Variants in COG5 observed in about 807,000 individuals in gnomAD.
COG5 encodes the protein component of oligomeric golgi complex 5, also known as conserved oligomeric Golgi complex subunit 5.
In COG5, 86 loss-of-function variants were observed where a neutral mutation model predicts 110.4. The observed-to-expected ratio is 0.78, with a 90% CI of 0.65 to 0.93. The LOEUF (loss-of-function observed/expected upper bound fraction) is 0.93. Ranked by LOEUF, COG5 falls within the 40% of genes least tolerant of loss-of-function variation. The pLI, the probability that COG5 is intolerant of heterozygous loss-of-function variation, is 0.00. For synonymous variants in COG5, 360 were observed against 334.6 expected (o/e 1.08, Z -0.83); for missense variants, 1,077 against 987.0 (o/e 1.09, Z -1.22).
intron 6 of COG5, among the ~76,000 whole-genome samples, chr7:107,466,163 T>C (rs1010806860): frequency 6.6e-6 from 1 of 152,104 alleles, no homozygotes; most frequent in Non-Finnish European, 1.5e-5. Flanking sequence ...AAATCCATAA[T>C]ATTTAGGAAG....
intron 17 of COG5, among the ~76,000 whole-genome samples, chr7:107,242,228 AC>A (rs1801699717): frequency 6.6e-6 from 1 of 152,208 alleles, no homozygotes; most frequent in Non-Finnish European, 1.5e-5. Flanking sequence ...AATCAAGGAA[AC>A]AACCTGACCG....
chr7:107,233,370 T>C (rs1800919381), intron 18 of COG5, among the ~76,000 whole-genome samples: 1 of 152,164 alleles, frequency 6.6e-6, no homozygotes, highest in South Asian at 2.1e-4. Context: ...TAATTACCTG[T>C]AGGAAACCAC....
intron 21 of COG5, chr7:107,209,352 TAA>T: frequency 2.9e-6 from 1 of 341,790 alleles, no homozygotes; most frequent in African/African-American, 2.2e-5. Flanking sequence ...ACAGGGAGTA[TAA>T]GAGAATGAGA....
In COG5 at chr7:107,202,041, T is replaced by C. The variant is rs1433790902; in HGVS notation, c.*1475A>G. ...CTGCAGTTACCATGGCATGCTGAGTTGATGCACCAGGTGGCAGCAGCCATC... is the reference window on the plus strand; with the variant it reads ...CTGCAGTTACCATGGCATGCTGAGTCGATGCACCAGGTGGCAGCAGCCATC... On this transcript the variant is annotated 3_prime_UTR_variant, in exon 22 of 22. Coordinates refer to ENST00000297135, the MANE Select transcript of COG5 (RefSeq NM_006348.5). 1 of 152,674 alleles carries C rather than the reference T, an allele frequency of 6.5e-6. No homozygotes were observed. The highest frequency in any genetic ancestry group is 2.4e-5 in the African/African-American group (1 of 41,442). 9.5% of individuals were successfully genotyped at this position (152,674 alleles called of 1,614,324 possible). A position where few individuals can be genotyped will look rare whatever the true frequency, so the allele number is the denominator to read the frequency against.
intron 6 of COG5, among the ~76,000 whole-genome samples, chr7:107,480,376 A>T (rs769884606): frequency 1.6e-4 from 24 of 152,158 alleles, no homozygotes; most frequent in Non-Finnish European, 3.1e-4. Flanking sequence ...TCAGATGAGC[A>T]CTTGTATGTA....
intron 8 of COG5, among the ~76,000 whole-genome samples, chr7:107,363,955 CAAAA>C (rs34287367): frequency 9.2e-6 from 1 of 109,028 alleles, no homozygotes. Context: ...AACTCCATCT[CAAAA>C]AAAAAAAAAA....
chr7:107,393,052 A>C (rs754925014), intron 7 of COG5, among the ~76,000 whole-genome samples: 7 of 152,214 alleles, frequency 4.6e-5, no homozygotes, highest in Non-Finnish European at 1.0e-4. Flanking sequence ...CTTGCCTCGC[A>C]TACCAGACTC....
chr7:107,479,042 C>A (rs529964658), intron 6 of COG5, among the ~76,000 whole-genome samples: 2 of 151,940 alleles, frequency 1.3e-5, no homozygotes, highest in African/African-American at 4.8e-5. Context: ...AGAGTCATTA[C>A]CCTCAAGAGC....
intron 19 of COG5, among the ~76,000 whole-genome samples, chr7:107,212,893 T>G (rs1444018925): frequency 6.6e-6 from 1 of 152,196 alleles, no homozygotes; most frequent in Admixed American, 6.5e-5. Flanking sequence ...GGGGGGATTC[T>G]CCTAAGCCCA....
At chr7:107,289,992 G>A (rs896988359) in intron 12 of COG5, among the ~76,000 whole-genome samples, 4 of 152,094 alleles carry the variant, frequency 2.6e-5, no homozygotes, top group African/African-American at 9.7e-5. Flanking sequence ...TCTCCAGGTG[G>A]CCTCCCTCAC....
chr7:107,397,531 C>G (rs1265894269), intron 7 of COG5, among the ~76,000 whole-genome samples: 1 of 151,898 alleles, frequency 6.6e-6, no homozygotes, highest in Non-Finnish European at 1.5e-5. Flanking sequence ...GGGCCCATAA[C>G]AATAATTTTT....
At chr7:107,405,989 AATAAATTTCTGTTT>A (rs1213695070) in intron 7 of COG5, among the ~76,000 whole-genome samples, 1 of 152,186 alleles carries the variant, frequency 6.6e-6, no homozygotes, top group African/African-American at 2.4e-5. Flanking sequence ...AACTGTGAAA[AATAAATTTCTGTTT>A]ATAAGCCACC....
At chr7:107,335,354 C>A (rs1810616445) in intron 10 of COG5, among the ~76,000 whole-genome samples, 1 of 152,142 alleles carries the variant, frequency 6.6e-6, no homozygotes, top group Admixed American at 6.5e-5. Context: ...CGCACCACTG[C>A]ACTCCAGCCT....
intron 6 of COG5, among the ~76,000 whole-genome samples, chr7:107,481,412 G>C (rs994418044): frequency 2.0e-5 from 3 of 152,172 alleles, no homozygotes; most frequent in Non-Finnish European, 4.4e-5. Flanking sequence ...TAACAAATGA[G>C]AGCACTGGCC....
chr7:107,494,467 T>C (rs1798150314), intron 6 of COG5, among the ~76,000 whole-genome samples: 1 of 152,214 alleles, frequency 6.6e-6, no homozygotes, highest in African/African-American at 2.4e-5. Context: ...ACAGTGACCT[T>C]AGCATAATAT....
chr7:107,400,199 A>G (rs1368445133), intron 7 of COG5, among the ~76,000 whole-genome samples: 2 of 152,224 alleles, frequency 1.3e-5, no homozygotes, highest in African/African-American at 4.8e-5. Flanking sequence ...AGATACTTCC[A>G]TAAGTAATGA....
intron 14 of COG5, among the ~76,000 whole-genome samples, chr7:107,268,500 A>C (rs1390701768): frequency 1.3e-5 from 2 of 152,246 alleles, no homozygotes; most frequent in Admixed American, 1.3e-4. Flanking sequence ...TGTTTGCCAT[A>C]AATGGCTATA....
Position 107,283,672 on chromosome 7 carries a change from G to T in COG5, c.1374C>A (p.Ser458=). Residue 458 remains serine (S), a synonymous_variant, in exon 13 of 22, where the codon TCC becomes TCA. Transcript: ENST00000297135. ...QPYEAAYLSK[S]LSRLFDPINL... ...TGATAGGATCGAAGAGTCGAGATAA[G>T]GATTTTGATAGATAAGCAGCCTCAT... The T allele has an allele frequency of 6.2e-7, 1 of 1,613,932 alleles. No individual in the cohort carries two copies. Among genetic ancestry groups the T allele is most frequent in the Non-Finnish European group, 8.5e-7 (1 of 1,179,910 alleles).
intron 11 of COG5, among the ~76,000 whole-genome samples, chr7:107,299,749 T>A (rs1011389340): frequency 1.3e-5 from 2 of 148,334 alleles, no homozygotes; most frequent in Non-Finnish European, 3.0e-5. Context: ...CAAAATGTCA[T>A]CAAATCTAGT....
Sources: gnomAD v4.1 joint callset for allele counts (sites outside exome capture counted in the v4.1 genomes callset) on GRCh38, gnomAD v4.1.1 for gene constraint, MANE v1.5 for transcripts, NCBI Gene and HGNC (gene_info 2026-07-23, HGNC 2026-07-21) for gene names.